MYT1L: variants seen among roughly 807,000 people sequenced by gnomAD.
The protein encoded by MYT1L is myelin transcription factor 1-like protein.
A neutral mutation model predicts 126.7 loss-of-function variants in MYT1L; 12 were observed. That is an observed-to-expected ratio of 0.09 (90% CI 0.06 to 0.15). MYT1L has a LOEUF of 0.15. Among genes scored for constraint, MYT1L ranks in the 10% least tolerant of loss-of-function variants. MYT1L has a pLI of 1.00. For missense variants in MYT1L, 979 were observed against 1,585.2 expected, an observed-to-expected ratio of 0.62 and a Z score of 6.49; for synonymous variants, 541 against 604.2, an observed-to-expected ratio of 0.90 and a Z score of 1.53.
chr2:2,055,613 T>A (rs970701372), intron 3 of MYT1L, among the ~76,000 whole-genome samples: 1 of 152,142 alleles, frequency 6.6e-6, no homozygotes, highest in African/African-American at 2.4e-5. Flanking sequence ...TTCTCACCAT[T>A]TGAAAGACAA....
chr2:1,848,275 ACAGACACCACGGAAGCGCGAGG>A lies in MYT1L; in HGVS notation c.2774+3344_2774+3365del, dbSNP rs2042760586. Among the ~76,000 whole-genome samples, 1 of 151,018 alleles carries A rather than the reference ACAGACACCACGGAAGCGCGAGG, an allele frequency of 6.6e-6. No homozygotes were observed. The highest frequency in any genetic ancestry group is 6.6e-5 in the Admixed American group (1 of 15,206). ...TCCTGGGAGCAGGAGGGAGAATTCT[ACAGACACCACGGAAGCGCGAGG>A]CATTTGTCCTGGGAGCAGGAGGAAG... On this transcript the variant is annotated intron_variant, in intron 19 of 24. Transcript: ENST00000647738. This position sits in a 1 kb window ranked among gnomAD's most constrained non-coding sequence, Gnocchi z 4.8.
chr2:2,124,447 C>T (rs1290121785), intron 3 of MYT1L, among the ~76,000 whole-genome samples: 1 of 151,982 alleles, frequency 6.6e-6, no homozygotes, highest in Non-Finnish European at 1.5e-5. Flanking sequence ...AGGCACGTGC[C>T]ACCACACCTG....
At chr2:2,163,782 G>A (rs1282741545) in intron 3 of MYT1L, among the ~76,000 whole-genome samples, 1 of 151,242 alleles carries the variant, frequency 6.6e-6, no homozygotes, top group African/African-American at 2.4e-5. Flanking sequence ...CAAACAAAAA[G>A]ACTTCGACCT....
At chr2:2,123,332 T>C (rs1297066761) in intron 3 of MYT1L, among the ~76,000 whole-genome samples, 1 of 152,148 alleles carries the variant, frequency 6.6e-6, no homozygotes, top group Non-Finnish European at 1.5e-5. Context: ...GTGAGTATCT[T>C]ACATGACACA....
intron 18 of MYT1L, among the ~76,000 whole-genome samples, chr2:1,865,584 GT>G (rs1046528385): frequency 6.6e-6 from 1 of 151,690 alleles, no homozygotes; most frequent in African/African-American, 2.4e-5. Flanking sequence ...CCCCCTCCTT[GT>G]TTTTTTTCTT....
At chr2:2,049,988 G>A (rs2068644914) in intron 4 of MYT1L, among the ~76,000 whole-genome samples, 1 of 151,696 alleles carries the variant, frequency 6.6e-6, no homozygotes, top group Admixed American at 6.6e-5. Context: ...TATGTATATA[G>A]TACTAACTTC....
intron 2 of MYT1L, among the ~76,000 whole-genome samples, chr2:2,272,951 C>T (rs1373028701): frequency 1.3e-5 from 2 of 152,136 alleles, no homozygotes; most frequent in African/African-American, 4.8e-5. Flanking sequence ...CCCCTGCAGC[C>T]CCTGGCTCCC....
intron 3 of MYT1L, among the ~76,000 whole-genome samples, chr2:2,129,134 A>C (rs2082057443): frequency 6.6e-6 from 1 of 152,194 alleles, no homozygotes; most frequent in Admixed American, 6.5e-5. Flanking sequence ...TAATCCACAA[A>C]CCCAGAGCAA....
At chr2:1,901,284 C>T (rs988182341) in intron 14 of MYT1L, among the ~76,000 whole-genome samples, 5 of 152,042 alleles carry the variant, frequency 3.3e-5, no homozygotes, top group African/African-American at 7.3e-5. Context: ...AAAACAGGTG[C>T]GTAAACATGA....
intron 4 of MYT1L, among the ~76,000 whole-genome samples, chr2:2,050,009 T>C (rs1028756321): frequency 2.0e-5 from 3 of 152,056 alleles, no homozygotes; most frequent in African/African-American, 7.2e-5. Flanking sequence ...ATAGGGGGTT[T>C]TTTGACGATG....
chr2:2,330,441 C>T (rs1018811884), intron 1 of MYT1L, among the ~76,000 whole-genome samples: 5 of 152,126 alleles, frequency 3.3e-5, no homozygotes, highest in African/African-American at 1.2e-4. Flanking sequence ...AGACATATTT[C>T]TGTTATAAAT....
Position 1,823,954 on chromosome 2 carries a change from G to A in MYT1L, c.3081-14787C>T, listed in dbSNP as rs529201749. ...CCATTACGTGGCACAGTGTTGGCCTGGGCCTCGCCGTCCCTGGCACGACCC... is the reference window on the plus strand; with the variant it reads ...CCATTACGTGGCACAGTGTTGGCCTAGGCCTCGCCGTCCCTGGCACGACCC... On this transcript the variant is annotated intron_variant, in intron 21 of 24. Coordinates refer to ENST00000647738, the MANE Select transcript of MYT1L (RefSeq NM_001303052.2). 3.9e-5 allele frequency among the ~76,000 whole-genome samples: 6 copies of A among 152,328 alleles called. No individual in the cohort carries two copies. The East Asian group carries it at 7.8e-4, about 20-fold the overall frequency.
Position 1,852,039 on chromosome 2 carries a change from A to G in MYT1L, c.2712-336T>C, listed in dbSNP as rs1439407143. On this transcript the variant is annotated intron_variant, in intron 18 of 24. Coordinates refer to ENST00000647738, the MANE Select transcript of MYT1L (RefSeq NM_001303052.2). This position sits in a 1 kb window ranked among gnomAD's most constrained non-coding sequence, Gnocchi z 4.0. Reference sequence around the variant, plus strand: ...ATTCTTAAAGCTCAGCAGAGCCAGCAACCACAGGGCTTGTTACTGCACCAG... The same window carrying G: ...ATTCTTAAAGCTCAGCAGAGCCAGCGACCACAGGGCTTGTTACTGCACCAG... Among the ~76,000 whole-genome samples the G allele has an allele frequency of 2.6e-5, 4 of 152,162 alleles. No individual in the cohort carries two copies. In the East Asian group the frequency reaches 7.7e-4, roughly 29 times the overall value.
intron 3 of MYT1L, among the ~76,000 whole-genome samples, chr2:2,078,028 T>C (rs772269004): frequency 5.3e-5 from 8 of 152,182 alleles, no homozygotes; most frequent in Non-Finnish European, 8.8e-5. Context: ...GTAATTTGTA[T>C]AGCAATAATA....
chr2:2,272,693 C>A (rs1004771159), intron 2 of MYT1L, among the ~76,000 whole-genome samples: 1 of 152,184 alleles, frequency 6.6e-6, no homozygotes, highest in African/African-American at 2.4e-5. Flanking sequence ...GAAAAGCAGG[C>A]GTCTTGGCTT....
At chr2:2,019,081 T>C (rs1182978817) in intron 4 of MYT1L, among the ~76,000 whole-genome samples, 4 of 152,288 alleles carry the variant, frequency 2.6e-5, no homozygotes, top group Non-Finnish European at 5.9e-5. Context: ...TGGTGACTTA[T>C]GTAAGGTCAA....
chr2:1,810,128 GC>G (rs1330217652), intron 21 of MYT1L: 4 of 111,936 alleles, frequency 3.6e-5, no homozygotes, highest in Non-Finnish European at 6.9e-5. Flanking sequence ...TATATATAAC[GC>G]TTTTTTTTTT....
At chr2:2,039,585 T>C (rs973683891) in intron 4 of MYT1L, among the ~76,000 whole-genome samples, 6 of 152,180 alleles carry the variant, frequency 3.9e-5, no homozygotes, top group Admixed American at 2.0e-4. Flanking sequence ...AGGAAAAACA[T>C]GATAGACGAT....
intron 1 of MYT1L, among the ~76,000 whole-genome samples, chr2:2,285,229 G>T (rs1225846171): frequency 5.9e-5 from 9 of 152,180 alleles, no homozygotes; most frequent in Admixed American, 1.3e-4. Flanking sequence ...CTTGGGGAGT[G>T]CATCGTGAAT....
Sources: allele counts gnomAD v4.1 joint callset (sites outside exome capture counted in the v4.1 genomes callset), GRCh38; gene constraint gnomAD v4.1.1; non-coding constraint Gnocchi (gnomAD v3.1); transcripts MANE v1.5; gene names NCBI Gene and HGNC (gene_info 2026-07-23, HGNC 2026-07-21).